Variants in PDE3A observed in about 807,000 individuals in gnomAD.
PDE3A encodes phosphodiesterase 3A.
In PDE3A, 43 loss-of-function variants were observed where a neutral mutation model predicts 98.3. The ratio of observed to expected loss-of-function variants is 0.44; its 90% confidence interval spans 0.34 to 0.56. The LOEUF (loss-of-function observed/expected upper bound fraction) is 0.56. PDE3A is among the 20% of genes least tolerant of loss of function. PDE3A has a pLI of 0.01. For missense variants in PDE3A, 1,427 were observed against 1,440.7 expected (o/e 0.99, Z 0.15); for synonymous variants, 663 against 567.9 (o/e 1.17, Z -2.38).
chr12:20,458,568 C>A (rs1047316866), intron 1 of PDE3A, among the ~76,000 whole-genome samples: 1 of 152,132 alleles, frequency 6.6e-6, no homozygotes, highest in Non-Finnish European at 1.5e-5. Context: ...AACCTACTGC[C>A]TGCCTGGGAG....
chr12:20,396,205 C>G (rs1274991235), intron 1 of PDE3A, among the ~76,000 whole-genome samples: 2 of 152,134 alleles, frequency 1.3e-5, no homozygotes, highest in East Asian at 3.8e-4. Context: ...TTAAAACATT[C>G]CTCTTCTAAT....
chr12:20,674,436 T>C (rs1945579809), intron 15 of PDE3A, among the ~76,000 whole-genome samples: 1 of 152,184 alleles, frequency 6.6e-6, no homozygotes, highest in African/African-American at 2.4e-5. Flanking sequence ...GGTTTTATTA[T>C]GTGTGGTGTT....
intron 1 of PDE3A, among the ~76,000 whole-genome samples, chr12:20,425,961 A>G (rs559177611): frequency 6.6e-6 from 1 of 152,314 alleles, no homozygotes; most frequent in South Asian, 2.1e-4. Context: ...CACCTATTTC[A>G]TAGAATTGTT....
intron 15 of PDE3A, among the ~76,000 whole-genome samples, chr12:20,677,942 A>C (rs1945683651): frequency 6.6e-6 from 1 of 151,044 alleles, no homozygotes; most frequent in African/African-American, 2.5e-5. Flanking sequence ...CCTGTTGTAA[A>C]ATTTTGCTGG....
intron 1 of PDE3A, among the ~76,000 whole-genome samples, chr12:20,529,961 T>A (rs1054960797): frequency 6.6e-6 from 1 of 152,198 alleles, no homozygotes; most frequent in South Asian, 2.1e-4. Context: ...TCTTTTGCTG[T>A]AAAGATAAAT....
At chr12:20,635,567 G>A (rs569789951) in intron 8 of PDE3A, among the ~76,000 whole-genome samples, 2 of 140,862 alleles carry the variant, frequency 1.4e-5, no homozygotes, top group South Asian at 4.7e-4. Context: ...AATAGAGGGA[G>A]ACTCTGTCTC....
At chr12:20,559,910 G>C (rs983338363) in intron 2 of PDE3A, among the ~76,000 whole-genome samples, 1 of 152,128 alleles carries the variant, frequency 6.6e-6, no homozygotes, top group African/African-American at 2.4e-5. Flanking sequence ...TATAACTTCT[G>C]TATAAATGCT....
chr12:20,508,533 G>GA (rs983605749), intron 1 of PDE3A, among the ~76,000 whole-genome samples: 12 of 151,156 alleles, frequency 7.9e-5, no homozygotes, highest in Admixed American at 5.3e-4. Flanking sequence ...AATTTGATCA[G>GA]AAAAAAATGC....
chr12:20,533,949 G>C (rs370539201), intron 1 of PDE3A, among the ~76,000 whole-genome samples: 59 of 151,838 alleles, frequency 3.9e-4, no homozygotes, highest in African/African-American at 1.4e-3. Context: ...CAGGTCATCC[G>C]TGCGCCCGTC....
chr12:20,412,025 T>C (rs1944342854), intron 1 of PDE3A, among the ~76,000 whole-genome samples: 1 of 152,172 alleles, frequency 6.6e-6, no homozygotes, highest in Non-Finnish European at 1.5e-5. Context: ...TTATGATCTA[T>C]CCAAATATGT....
chr12:20,590,176 T>C (rs1451752477), intron 2 of PDE3A, among the ~76,000 whole-genome samples: 1 of 151,992 alleles, frequency 6.6e-6, no homozygotes, highest in African/African-American at 2.4e-5. Flanking sequence ...CCATGGAATA[T>C]TTTCCAAATG....
intron 2 of PDE3A, among the ~76,000 whole-genome samples, chr12:20,605,860 A>T (rs1943698495): frequency 1.3e-5 from 2 of 152,346 alleles, no homozygotes; most frequent in Non-Finnish European, 2.9e-5. Context: ...CTCCAGTTAG[A>T]ATAAATTAAT....
intron 1 of PDE3A, among the ~76,000 whole-genome samples, chr12:20,525,966 A>G (rs1946511126): frequency 6.6e-6 from 1 of 152,208 alleles, no homozygotes; most frequent in Admixed American, 6.5e-5. Context: ...AACAATAATC[A>G]CTTTTCTCAG....
intron 1 of PDE3A, among the ~76,000 whole-genome samples, chr12:20,545,790 AC>A (rs769972592): frequency 5.6e-5 from 7 of 124,296 alleles, no homozygotes; most frequent in East Asian, 5.6e-4. Context: ...AAAAAAAAAA[AC>A]AAAACAAAAC....
chr12:20,680,110 G>C lies in PDE3A; in HGVS notation c.3265G>C (p.Val1089Leu), dbSNP rs778619497. ...LLQNHKMWKKVIEEEQRLAGI... is the reference protein window; with the variant it reads ...LLQNHKMWKKLIEEEQRLAGI... ...ACAGAACCACAAGATGTGGAAGAAA[G>C]TCATTGAAGAGGAGCAACGGTTGGC... Residue 1089 changes from valine to leucine, a missense_variant, in exon 16 of 16, where the codon GTC becomes CTC. By Grantham distance (32) the Val-to-Leu change is conservative. Coordinates refer to ENST00000359062, the MANE Select transcript of PDE3A (RefSeq NM_000921.5). The C allele has an allele frequency of 6.2e-7, 1 of 1,613,514 alleles. No homozygotes were observed. Among genetic ancestry groups the C allele is most frequent in the Non-Finnish European group, 8.5e-7 (1 of 1,179,518 alleles).
chr12:20,650,315 A>G (rs1487640746), intron 13 of PDE3A, 130 bp from the exon 14 acceptor site: 8 of 484,670 alleles, frequency 1.7e-5, no homozygotes, highest in Non-Finnish European at 2.5e-5. Flanking sequence ...AAGTAGCTAG[A>G]GGTTCCCAAT....
At chr12:20,484,003 C>A (rs1945678139) in intron 1 of PDE3A, among the ~76,000 whole-genome samples, 1 of 152,172 alleles carries the variant, frequency 6.6e-6, no homozygotes, top group Admixed American at 6.5e-5. Flanking sequence ...CTCCCATATC[C>A]AACTGACTCA....
At chr12:20,562,617 G>T (rs879330985) in intron 2 of PDE3A, among the ~76,000 whole-genome samples, 1 of 152,036 alleles carries the variant, frequency 6.6e-6, no homozygotes, top group Non-Finnish European at 1.5e-5. Flanking sequence ...TTGTGGAAAA[G>T]ATTAGTTCAA....
chr12:20,400,379 G>C (rs796545243), intron 1 of PDE3A, among the ~76,000 whole-genome samples: 1 of 110,266 alleles, frequency 9.1e-6, no homozygotes, highest in South Asian at 2.8e-4. Flanking sequence ...GTTAACATTG[G>C]TTTTTTTTTT....
Sources: allele counts gnomAD v4.1 joint callset (sites outside exome capture counted in the v4.1 genomes callset), GRCh38; gene constraint gnomAD v4.1.1; transcripts MANE v1.5; gene names NCBI Gene and HGNC (gene_info 2026-07-23, HGNC 2026-07-21).